Variants in PTPRR observed in about 807,000 individuals in gnomAD.
The protein encoded by PTPRR is receptor-type tyrosine-protein phosphatase R.
Under a neutral mutation model 77.2 loss-of-function variants are expected in PTPRR, and 38 were observed. The observed-to-expected ratio is 0.49, with a 90% CI of 0.38 to 0.65. The LOEUF is 0.65. Ranked by LOEUF, PTPRR falls within the 30% of genes least tolerant of loss-of-function variation. PTPRR has a pLI of 0.00. For missense variants in PTPRR, 744 were observed against 799.2 expected (o/e 0.93, Z 0.83); for synonymous variants, 299 against 283.1 (o/e 1.06, Z -0.57).
intron 2 of PTPRR, among the ~76,000 whole-genome samples, chr12:70,786,974 T>C (rs1489248870): frequency 6.6e-6 from 1 of 152,188 alleles, no homozygotes; most frequent in African/African-American, 2.4e-5. Context: ...TGTGGTTCTT[T>C]CAACTGAAGA....
At chr12:70,735,861 G>A (rs1313953312) in intron 6 of PTPRR, among the ~76,000 whole-genome samples, 1 of 152,162 alleles carries the variant, frequency 6.6e-6, no homozygotes, top group Non-Finnish European at 1.5e-5. Context: ...GCAGGTTAGT[G>A]TCCAACCCAT....
intron 6 of PTPRR, among the ~76,000 whole-genome samples, chr12:70,725,453 C>G (rs1006380814): frequency 1.3e-5 from 2 of 152,094 alleles, no homozygotes; most frequent in Non-Finnish European, 2.9e-5. Flanking sequence ...TCCACCAAAT[C>G]TAGGAAAAGC....
chr12:70,843,033 A>C (rs1197065555), intron 2 of PTPRR, among the ~76,000 whole-genome samples: 1 of 152,200 alleles, frequency 6.6e-6, no homozygotes, highest in Non-Finnish European at 1.5e-5. Flanking sequence ...ATTTTACTCC[A>C]GGAGTTGAAA....
intron 6 of PTPRR, among the ~76,000 whole-genome samples, chr12:70,723,892 T>C (rs1889345258): frequency 6.6e-6 from 1 of 152,300 alleles, no homozygotes; most frequent in South Asian, 2.1e-4. Flanking sequence ...CACCTAAATA[T>C]GTAGAGGCAT....
At chr12:70,836,148 C>T (rs976907271) in intron 2 of PTPRR, among the ~76,000 whole-genome samples, 1 of 152,080 alleles carries the variant, frequency 6.6e-6, no homozygotes, top group Non-Finnish European at 1.5e-5. Context: ...CATTCACTAG[C>T]TCAGATAACC....
chr12:70,861,402 C>A (rs1013801534), intron 2 of PTPRR, among the ~76,000 whole-genome samples: 15 of 152,106 alleles, frequency 9.9e-5, no homozygotes, highest in Non-Finnish European at 1.8e-4. Context: ...TTCAAATCCC[C>A]AAACGCTTTT....
intron 2 of PTPRR, among the ~76,000 whole-genome samples, chr12:70,782,402 T>C (rs893589583): frequency 1.3e-5 from 2 of 152,148 alleles, no homozygotes; most frequent in African/African-American, 4.8e-5. Context: ...ATGTTTATTG[T>C]GGCACTATTC....
intron 10 of PTPRR, among the ~76,000 whole-genome samples, chr12:70,683,327 C>T (rs1887743980): frequency 6.6e-6 from 1 of 152,152 alleles, no homozygotes; most frequent in Admixed American, 6.5e-5. Flanking sequence ...CCTCGGATAT[C>T]AGCCCTCAGG....
chr12:70,888,983 T>C (rs1427775510), intron 2 of PTPRR, among the ~76,000 whole-genome samples: 5 of 152,214 alleles, frequency 3.3e-5, no homozygotes, highest in Non-Finnish European at 1.5e-5. Flanking sequence ...CTAGGGATCT[T>C]AACTTTCTCC....
chr12:70,655,961 C>T (rs1237090724), intron 13 of PTPRR, among the ~76,000 whole-genome samples: 2 of 152,026 alleles, frequency 1.3e-5, no homozygotes, highest in Non-Finnish European at 2.9e-5. Context: ...CCTGTAATCC[C>T]AGCACTTTGG....
At chr12:70,665,493 C>T (rs749549722) in intron 10 of PTPRR, among the ~76,000 whole-genome samples, 6 of 149,566 alleles carry the variant, frequency 4.0e-5, no homozygotes, top group East Asian at 2.0e-4. Context: ...GCGATTCTCC[C>T]GCCTCAGCCT....
At chr12:70,888,684 A>C (rs1440374717) in intron 2 of PTPRR, among the ~76,000 whole-genome samples, 2 of 152,160 alleles carry the variant, frequency 1.3e-5, no homozygotes, top group African/African-American at 4.8e-5. Context: ...CCCTTAACAC[A>C]TATTAATTCA....
intron 1 of PTPRR, among the ~76,000 whole-genome samples, chr12:70,907,360 A>G (rs1393685615): frequency 6.6e-6 from 1 of 152,130 alleles, no homozygotes; most frequent in Non-Finnish European, 1.5e-5. Context: ...AAAATATTCT[A>G]TTAGGAAAAG....
intron 1 of PTPRR, among the ~76,000 whole-genome samples, chr12:70,903,498 T>A (rs1340290165): frequency 6.6e-6 from 1 of 151,844 alleles, no homozygotes; most frequent in East Asian, 1.9e-4. Context: ...AGGACAGCCT[T>A]TTCAAAATTA....
intron 6 of PTPRR, among the ~76,000 whole-genome samples, chr12:70,730,970 TGAG>T (rs543087833): frequency 1.4e-4 from 13 of 94,422 alleles, no homozygotes; most frequent in South Asian, 1.3e-3. Flanking sequence ...AGAGAGGAAG[TGAG>T]GAGGAAGGAG....
At chr12:70,770,320 A>G (rs1194858892) in intron 2 of PTPRR, among the ~76,000 whole-genome samples, 1 of 152,074 alleles carries the variant, frequency 6.6e-6, no homozygotes, top group Non-Finnish European at 1.5e-5. Context: ...CAAGAAAAAA[A>G]CAAACAACCC....
intron 2 of PTPRR, among the ~76,000 whole-genome samples, chr12:70,820,884 C>G (rs1161164013): frequency 6.6e-6 from 1 of 152,196 alleles, no homozygotes; most frequent in Non-Finnish European, 1.5e-5. Flanking sequence ...TATTCACTGA[C>G]CCTTCACTCT....
chr12:70,656,310 A>T (rs1477144754), intron 13 of PTPRR, among the ~76,000 whole-genome samples: 1 of 152,182 alleles, frequency 6.6e-6, no homozygotes, highest in Non-Finnish European at 1.5e-5. Context: ...TGGGAGATTC[A>T]CTTGTGGTCA....
intron 2 of PTPRR, among the ~76,000 whole-genome samples, chr12:70,883,616 C>T (rs1893186030): frequency 6.6e-6 from 1 of 152,072 alleles, no homozygotes; most frequent in Admixed American, 6.6e-5. Context: ...AAATGAAAAG[C>T]TTCGTGCTTT....
Sources: gnomAD v4.1 joint callset for allele counts (sites outside exome capture counted in the v4.1 genomes callset) on GRCh38, gnomAD v4.1.1 for gene constraint, MANE v1.5 for transcripts, NCBI Gene and HGNC (gene_info 2026-07-23, HGNC 2026-07-21) for gene names.